The following DLG2 variants were observed in gnomAD, a reference collection of about 807,000 sequenced individuals.
DLG2 encodes the protein discs large MAGUK scaffold protein 2.
In DLG2, 45 loss-of-function variants were observed where a neutral mutation model predicts 132.5. The ratio of observed to expected loss-of-function variants is 0.34; its 90% CI spans 0.27 to 0.44. The LOEUF is 0.44. DLG2 is among the 20% of genes least tolerant of loss of function. DLG2 has a pLI of 1.00. For missense variants in DLG2, 1,045 were observed against 1,196.9 expected (o/e 0.87, Z 1.87); for synonymous variants, 424 against 419.6 (o/e 1.01, Z -0.13).
intron 16 of DLG2, among the ~76,000 whole-genome samples, chr11:83,837,917 T>A (rs899436881): frequency 2.6e-5 from 4 of 152,074 alleles, no homozygotes; most frequent in African/African-American, 9.7e-5. Context: ...GAAATGGGGA[T>A]ACATTTTAAA....
chr11:85,135,537 G>A (rs576769545), intron 5 of DLG2, among the ~76,000 whole-genome samples: 9 of 152,318 alleles, frequency 5.9e-5, no homozygotes, highest in African/African-American at 2.4e-5. Flanking sequence ...GTCTTCTAAC[G>A]TTGGTGGATC....
intron 11 of DLG2, among the ~76,000 whole-genome samples, chr11:84,022,417 T>C (rs796502422): frequency 1.3e-5 from 2 of 152,302 alleles, no homozygotes; most frequent in African/African-American, 4.8e-5. Context: ...CTGCAAAATG[T>C]GCTGGGTGAG....
chr11:84,508,098 G>T (rs186508329), intron 7 of DLG2, among the ~76,000 whole-genome samples: 6 of 152,032 alleles, frequency 3.9e-5, no homozygotes, highest in Non-Finnish European at 8.8e-5. Context: ...TTTCCACTGG[G>T]TTCTCATCTC....
At chr11:84,522,893 T>G (rs2099308846) in intron 7 of DLG2, among the ~76,000 whole-genome samples, 1 of 152,188 alleles carries the variant, frequency 6.6e-6, no homozygotes, top group South Asian at 2.1e-4. Context: ...ATCACTAGCC[T>G]CAAAAGAAAG....
At chr11:85,512,536 T>A (rs1565614681) in intron 3 of DLG2, among the ~76,000 whole-genome samples, 1 of 152,102 alleles carries the variant, frequency 6.6e-6, no homozygotes, top group Non-Finnish European at 1.5e-5. Flanking sequence ...TATCTTGAGT[T>A]AAACAGTGCC....
chr11:84,056,267 C>T (rs1289816733), intron 11 of DLG2, among the ~76,000 whole-genome samples: 3 of 152,046 alleles, frequency 2.0e-5, no homozygotes, highest in Admixed American at 2.0e-4. Flanking sequence ...AAGTTCCCCT[C>T]CCTGTGTCCA....
intron 6 of DLG2, among the ~76,000 whole-genome samples, chr11:85,063,011 G>T (rs2064342609): frequency 6.6e-6 from 1 of 151,800 alleles, no homozygotes; most frequent in African/African-American, 2.4e-5. Flanking sequence ...AATTCTAAAT[G>T]TAGTGCTAAA....
intron 2 of DLG2, among the ~76,000 whole-genome samples, chr11:85,617,178 T>C (rs985638794): frequency 4.6e-5 from 7 of 152,230 alleles, no homozygotes; most frequent in Non-Finnish European, 7.3e-5. Flanking sequence ...TGTCCCTTCT[T>C]TTAGTAGCCA....
intron 7 of DLG2, among the ~76,000 whole-genome samples, chr11:84,375,790 T>G (rs2154431589): frequency 6.6e-6 from 1 of 152,200 alleles, no homozygotes; most frequent in Non-Finnish European, 1.5e-5. Flanking sequence ...CATTTGCTTT[T>G]CCATTATGTT....
At chr11:83,851,805 A>G (rs2059825608) in intron 16 of DLG2, among the ~76,000 whole-genome samples, 1 of 152,054 alleles carries the variant, frequency 6.6e-6, no homozygotes, top group Non-Finnish European at 1.5e-5. Context: ...CTGTAATCCC[A>G]GCTACTCAGG....
intron 3 of DLG2, among the ~76,000 whole-genome samples, chr11:85,308,207 G>C (rs1376648660): frequency 5.3e-5 from 5 of 94,054 alleles, no homozygotes; most frequent in Non-Finnish European, 2.4e-5. Context: ...AAACAAGAAA[G>C]AAAAGGTAAC....
At chr11:83,609,983 G>C (rs2059879238) in intron 19 of DLG2, among the ~76,000 whole-genome samples, 1 of 152,188 alleles carries the variant, frequency 6.6e-6, no homozygotes, top group African/African-American at 2.4e-5. Flanking sequence ...GGAAAGCTGA[G>C]AATTATTTTC....
chr11:84,779,296 T>C (rs1349361871), intron 6 of DLG2, among the ~76,000 whole-genome samples: 3 of 152,112 alleles, frequency 2.0e-5, no homozygotes, highest in Non-Finnish European at 4.4e-5. Flanking sequence ...TTTGTGAAAT[T>C]TATTCTCAGG....
chr11:85,151,747 A>C (rs1337554281), intron 5 of DLG2, among the ~76,000 whole-genome samples: 3 of 152,208 alleles, frequency 2.0e-5, no homozygotes, highest in Non-Finnish European at 2.9e-5. Context: ...TGATGAATAT[A>C]TCTGTCTTTA....
chr11:85,258,184 A>G (rs2076762791), intron 4 of DLG2, among the ~76,000 whole-genome samples: 1 of 152,136 alleles, frequency 6.6e-6, no homozygotes, highest in African/African-American at 2.4e-5. Context: ...ATTTTTTGAA[A>G]ATACCCAAAA....
chr11:84,583,678 G>T (rs1338673852), intron 6 of DLG2, among the ~76,000 whole-genome samples: 2 of 152,012 alleles, frequency 1.3e-5, no homozygotes, highest in African/African-American at 4.8e-5. Context: ...TATCTCTTAT[G>T]ATTTAACAAC....
chr11:84,801,484 T>C (rs1252453696), intron 6 of DLG2, among the ~76,000 whole-genome samples: 1 of 152,118 alleles, frequency 6.6e-6, no homozygotes, highest in African/African-American at 2.4e-5. Context: ...GGCAGGAGAA[T>C]GGCGTGAAGG....
chr11:85,477,327 C>A (rs1301321666), intron 3 of DLG2, among the ~76,000 whole-genome samples: 1 of 152,142 alleles, frequency 6.6e-6, no homozygotes, highest in South Asian at 2.1e-4. Flanking sequence ...GAACTTAAGA[C>A]CTTGGTATGA....
chr11:84,365,544 C>A (rs1158244779), intron 7 of DLG2, among the ~76,000 whole-genome samples: 1 of 151,742 alleles, frequency 6.6e-6, no homozygotes, highest in East Asian at 1.9e-4. Flanking sequence ...TATTTCTTGC[C>A]TTCTGCTAGC....
Sources: gnomAD v4.1 joint callset for allele counts (sites outside exome capture counted in the v4.1 genomes callset) on GRCh38, gnomAD v4.1.1 for gene constraint, MANE v1.5 for transcripts, NCBI Gene and HGNC (gene_info 2026-07-23, HGNC 2026-07-21) for gene names.